SHANK2: variants seen among roughly 807,000 people sequenced by gnomAD.
The protein encoded by SHANK2 is SH3 and multiple ankyrin repeat domains protein 2.
In SHANK2, 43 loss-of-function variants were observed where a neutral mutation model predicts 133.7. That is an observed-to-expected ratio of 0.32 (90% CI 0.25 to 0.41). The LOEUF is 0.41. Ranked by LOEUF, SHANK2 falls within the 10% of genes least tolerant of loss-of-function variation. The pLI, the probability that SHANK2 is intolerant of heterozygous loss-of-function variation, is 1.00. For missense variants in SHANK2, 1,994 were observed against 2,235.8 expected (o/e 0.89, Z 2.18); for synonymous variants, 1,017 against 952.8 (o/e 1.07, Z -1.24).
intron 2 of SHANK2, among the ~76,000 whole-genome samples, chr11:71,212,988 G>C (rs1350170673): frequency 6.6e-6 from 1 of 151,680 alleles, no homozygotes; most frequent in African/African-American, 2.4e-5. Flanking sequence ...AGGGACCCCA[G>C]GGGGAGGCAC....
At chr11:70,545,204 C>T (rs184964593) in intron 17 of SHANK2, among the ~76,000 whole-genome samples, 3 of 152,232 alleles carry the variant, frequency 2.0e-5, no homozygotes, top group Non-Finnish European at 2.9e-5. Context: ...CCTGGGCTCG[C>T]GCTGTCTGAG....
chr11:70,526,847 GC>G (rs1554972250), intron 17 of SHANK2, among the ~76,000 whole-genome samples: 1 of 151,028 alleles, frequency 6.6e-6, no homozygotes, highest in Non-Finnish European at 1.5e-5. Flanking sequence ...TGCAGGCCTG[GC>G]CCCCTCGGAA....
In SHANK2 at chr11:70,613,011, G is replaced by A. The variant is rs373061194; in HGVS notation, c.2061+46817C>T. On this transcript the variant is annotated intron_variant, in intron 17 of 25. Transcript: ENST00000601538. ...CACAGGCACTTGCATCATTTCCAGC[G>A]TCTTGCTGTTATGAACAGAGGTGCT... Among the ~76,000 whole-genome samples the A allele has an allele frequency of 2.3e-4, 35 of 152,150 alleles. 1 individual carries two copies. The highest frequency in any genetic ancestry group is 1.4e-4 in the African/African-American group (6 of 41,514).
chr11:70,617,212 CTGAG>C (rs1429948422), intron 17 of SHANK2, among the ~76,000 whole-genome samples: 7 of 149,586 alleles, frequency 4.7e-5, no homozygotes, highest in African/African-American at 1.5e-4. Flanking sequence ...GTGTGAGTGT[CTGAG>C]TGTGTTGTGT....
intron 11 of SHANK2, among the ~76,000 whole-genome samples, chr11:70,829,324 C>A (rs970264321): frequency 1.3e-5 from 2 of 152,308 alleles, no homozygotes; most frequent in African/African-American, 2.4e-5. Context: ...GGACCCTCAG[C>A]GGCCACCGTC....
At chr11:70,886,697 TCACACA>T (rs10579290) in intron 11 of SHANK2, among the ~76,000 whole-genome samples, 27 of 143,290 alleles carry the variant, frequency 1.9e-4, no homozygotes, top group African/African-American at 2.5e-4. Context: ...AATCACACAA[TCACACA>T]CACACACACA....
At position 70,486,924 on chromosome 11, in the gene SHANK2, G is replaced by A. The variant is rs1555153987; in HGVS notation, c.3369C>T (p.Pro1123=). The change falls in exon 25 of 26, where the codon CCC becomes CCT. Residue 1123 remains proline, a synonymous_variant. Coordinates refer to ENST00000601538, the MANE Select transcript of SHANK2 (RefSeq NM_012309.5). The surrounding 1 kb of genome is among the most constrained non-coding windows in gnomAD (Gnocchi z 8.0). ...GLGPPAPRTR[P]SMFPEEGDFA... The stretch of plus-strand genomic sequence containing the variant: ...AATCCCCCTCCTCGGGGAACATGGA[G>A]GGCCGCGTCCTGGGGGCGGGTGGCC... 1 of 1,612,564 alleles carries A rather than the reference G, an allele frequency of 6.2e-7. No homozygotes were observed. The highest frequency in any genetic ancestry group is 8.5e-7 in the Non-Finnish European group (1 of 1,179,754).
At chr11:70,525,420 G>A (rs574894041) in intron 17 of SHANK2, among the ~76,000 whole-genome samples, 5 of 152,240 alleles carry the variant, frequency 3.3e-5, no homozygotes, top group South Asian at 4.2e-4. Flanking sequence ...AGCTCATCCC[G>A]GGTCTGTGAA....
chr11:71,136,478 G>C (rs1228354327), intron 3 of SHANK2, among the ~76,000 whole-genome samples: 2 of 152,186 alleles, frequency 1.3e-5, no homozygotes, highest in Non-Finnish European at 2.9e-5. Context: ...ATGGACACAG[G>C]AGACTCAGAA....
At chr11:70,667,394 T>C (rs1944697997) in intron 15 of SHANK2, among the ~76,000 whole-genome samples, 1 of 152,138 alleles carries the variant, frequency 6.6e-6, no homozygotes, top group South Asian at 2.1e-4. Flanking sequence ...CTTAGCACCT[T>C]GAAGCAAGAC....
intron 14 of SHANK2, among the ~76,000 whole-genome samples, chr11:70,706,592 C>G (rs1230330689): frequency 6.6e-6 from 1 of 152,092 alleles, no homozygotes; most frequent in Non-Finnish European, 1.5e-5. Flanking sequence ...GGCTCTTGAA[C>G]TTGTCAACCC....
At chr11:71,129,473 C>T (rs1222871428) in intron 3 of SHANK2, among the ~76,000 whole-genome samples, 12 of 152,144 alleles carry the variant, frequency 7.9e-5, no homozygotes, top group Admixed American at 1.3e-4. Context: ...ACCGTCTCTA[C>T]GAAAAATGAA....
chr11:71,140,100 C>T (rs539583109), intron 3 of SHANK2, among the ~76,000 whole-genome samples: 7 of 152,332 alleles, frequency 4.6e-5, no homozygotes, highest in African/African-American at 1.4e-4. Flanking sequence ...CCACAGAGGA[C>T]TCAGCCCCAC....
At chr11:70,631,404 A>ACACCCACC (rs1427488425) in intron 17 of SHANK2, among the ~76,000 whole-genome samples, 1 of 149,280 alleles carries the variant, frequency 6.7e-6, no homozygotes, top group Non-Finnish European at 1.5e-5. Flanking sequence ...ACACACACAC[A>ACACCCACC]CACACCCACA....
intron 2 of SHANK2, among the ~76,000 whole-genome samples, chr11:71,155,597 C>T (rs1952892928): frequency 6.6e-6 from 1 of 152,094 alleles, no homozygotes; most frequent in African/African-American, 2.4e-5. Context: ...CCCACCACAC[C>T]AATGCCGGGA....
chr11:70,697,661 T>G (rs1249387946), intron 15 of SHANK2, among the ~76,000 whole-genome samples: 2 of 152,158 alleles, frequency 1.3e-5, no homozygotes, highest in African/African-American at 4.8e-5. Context: ...AACAAATCAA[T>G]CAGCTAACCC....
chr11:71,208,903 G>T (rs781814582), intron 2 of SHANK2, among the ~76,000 whole-genome samples: 7 of 152,126 alleles, frequency 4.6e-5, no homozygotes, highest in Non-Finnish European at 7.4e-5. Context: ...GGAAACAGAA[G>T]AAAAAGAAAT....
chr11:70,474,137 C>T (rs1452690047), intron 25 of SHANK2: 1 of 165,724 alleles, frequency 6.0e-6, no homozygotes, highest in East Asian at 1.5e-4. Context: ...GGGCTGCGCT[C>T]ACCTTCCTGA....
rs2058627086 is a variant in SHANK2, at chr11:70,473,705, TG to T, written c.4980-267del. On this transcript the variant is annotated intron_variant, in intron 25 of 25. Coordinates refer to ENST00000601538, the MANE Select transcript of SHANK2 (RefSeq NM_012309.5). The surrounding 1 kb of genome is among the most constrained non-coding windows in gnomAD (Gnocchi z 5.9). ...GAGGGGCTGGGGGACCTGCCTGTGCTGGGGGGAGCACACCACGTCAGCCCAC... is the reference window on the plus strand; with the variant it reads ...GAGGGGCTGGGGGACCTGCCTGTGCTGGGGGAGCACACCACGTCAGCCCAC... 6.0e-6 allele frequency: 3 copies of T among 497,970 alleles called. No individual in the cohort carries two copies. Among genetic ancestry groups the T allele is most frequent in the Middle Eastern group, 5.6e-4 (1 of 1,784 alleles). 30.8% of individuals were successfully genotyped at this position (497,970 alleles called of 1,614,324 possible).
Sources: allele counts gnomAD v4.1 joint callset (sites outside exome capture counted in the v4.1 genomes callset), GRCh38; gene constraint gnomAD v4.1.1; non-coding constraint Gnocchi (gnomAD v3.1); transcripts MANE v1.5; gene names NCBI Gene and HGNC (gene_info 2026-07-23, HGNC 2026-07-21).